ST7L: variants seen among roughly 807,000 people sequenced by gnomAD.
The protein encoded by ST7L is suppressor of tumorigenicity 7 protein-like.
A neutral mutation model predicts 72.5 loss-of-function variants in ST7L; 57 were observed. The observed-to-expected ratio is 0.79, with a 90% CI of 0.64 to 0.98. ST7L has a LOEUF of 0.98. Among genes scored for constraint, ST7L ranks in the 50% least tolerant of loss-of-function variants. The pLI is 0.00. For missense variants in ST7L, 576 were observed against 672.2 expected (o/e 0.86, Z 1.58); for synonymous variants, 221 against 240.9 (o/e 0.92, Z 0.77).
intron 13 of ST7L, among the ~76,000 whole-genome samples, chr1:112,543,891 A>AAC (rs397981264): frequency 1.3e-5 from 2 of 150,170 alleles, no homozygotes; most frequent in African/African-American, 4.9e-5. Context: ...AAAAAAAAAA[A>AAC]CCTAAACTAG....
chr1:112,536,186 C>T (rs1655174692), intron 14 of ST7L, among the ~76,000 whole-genome samples: 1 of 152,096 alleles, frequency 6.6e-6, no homozygotes, highest in East Asian at 1.9e-4. Flanking sequence ...TCAGTTCTTA[C>T]GAACTAAAAA....
chr1:112,541,527 T>A (rs1203084567), intron 14 of ST7L, among the ~76,000 whole-genome samples: 1 of 152,188 alleles, frequency 6.6e-6, no homozygotes, highest in African/African-American at 2.4e-5. Context: ...TTCCCCCGCC[T>A]TATGTACTTA....
rs41283060 is a variant in ST7L at position 112,582,573 on chromosome 1, G to A, written c.857-101C>T. ...AATTTTATTTGCTTCCCTTGGAAGAGTCAATTAAAATTAAATTGTGTCAGA... is the reference window on the plus strand; with the variant it reads ...AATTTTATTTGCTTCCCTTGGAAGAATCAATTAAAATTAAATTGTGTCAGA... On this transcript the variant is annotated intron_variant, in intron 7 of 14. Transcript: ENST00000358039. 4.9e-6 allele frequency: 3 copies of A among 607,042 alleles called. 1 individual carries two copies. 37.6% of individuals were successfully genotyped at this position (607,042 alleles called of 1,614,324 possible).
chr1:112,537,976 T>C (rs1655483850), intron 14 of ST7L, among the ~76,000 whole-genome samples: 1 of 152,244 alleles, frequency 6.6e-6, no homozygotes, highest in Admixed American at 6.5e-5. Flanking sequence ...CAGTGTCCAG[T>C]GCCTGGCCTC....
chr1:112,570,710 A>G (rs544483877), intron 11 of ST7L: 2 of 456,068 alleles, frequency 4.4e-6, no homozygotes. Flanking sequence ...AATAGAGACC[A>G]TAACAGGAGA....
rs1183877129 is a variant in ST7L at position 112,570,570 on chromosome 1, T to TATACACACACACACACAC, written c.1245+6415_1245+6416insGTGTGTGTGTGTGTGTAT. 2.0e-3 allele frequency among the ~76,000 whole-genome samples: 285 copies of TATACACACACACACACAC among 143,376 alleles called. 1 individual carries two copies. Among genetic ancestry groups the TATACACACACACACACAC allele is most frequent in the African/African-American group, 7.0e-3 (269 of 38,598 alleles). 94.1% of individuals were successfully genotyped at this position (143,376 alleles called of 152,430 possible). Reference sequence around the variant, plus strand: ...GTATATATATATATATATATATATATACACACACACATATATTTGAAATGT... The same window carrying TATACACACACACACACAC: ...GTATATATATATATATATATATATATATACACACACACACACACACACACACACATATATTTGAAATGT... On this transcript the variant is annotated intron_variant, in intron 11 of 14. Transcript: ENST00000358039.
At chr1:112,580,342 G>C (rs1324958831) in intron 9 of ST7L, among the ~76,000 whole-genome samples, 1 of 152,056 alleles carries the variant, frequency 6.6e-6, no homozygotes, top group African/African-American at 2.4e-5. Flanking sequence ...TTTTAGAAAT[G>C]GGTTTTCACC....
chr1:112,540,166 T>C, intron 14 of ST7L: 1 of 985,426 alleles, frequency 1.0e-6, no homozygotes, highest in Non-Finnish European at 1.2e-6. Context: ...TAACAGTTGG[T>C]ATAGATCTAT....
chr1:112,567,707 CAT>C (rs978549531), intron 11 of ST7L, among the ~76,000 whole-genome samples: 3 of 152,114 alleles, frequency 2.0e-5, no homozygotes, highest in African/African-American at 7.2e-5. Flanking sequence ...GTTGAAGTTC[CAT>C]TTCCCCATTG....
At chr1:112,520,492 T>C (rs759825299), downstream of ST7L, 65 of 1,613,864 alleles carry the variant, frequency 4.0e-5, no homozygotes, top group Non-Finnish European at 5.3e-5. Flanking sequence ...GAAGGCAGAG[T>C]GGCTGGACCA....
chr1:112,579,060 A>G (rs1663628820), intron 9 of ST7L, among the ~76,000 whole-genome samples: 1 of 152,090 alleles, frequency 6.6e-6, no homozygotes, highest in Non-Finnish European at 1.5e-5. Flanking sequence ...CGTCTGCACA[A>G]CGGTGAAATG....
intron 11 of ST7L, among the ~76,000 whole-genome samples, chr1:112,570,455 T>C (rs1415353619): frequency 1.3e-5 from 2 of 151,650 alleles, no homozygotes; most frequent in Non-Finnish European, 2.9e-5. Flanking sequence ...TTGCCAAAAA[T>C]ATTTCCCGCT....
At chr1:112,591,764 T>C (rs1665762709) in intron 5 of ST7L, among the ~76,000 whole-genome samples, 161 bp from the exon 6 acceptor site, 1 of 152,150 alleles carries the variant, frequency 6.6e-6, no homozygotes, top group African/African-American at 2.4e-5. Flanking sequence ...TTATGAGAAA[T>C]TTACATTAAA....
chr1:112,561,378 CAAAA>C (rs33953697), intron 11 of ST7L, among the ~76,000 whole-genome samples: 1 of 90,564 alleles, frequency 1.1e-5, no homozygotes. Context: ...CTCCCTGCCT[CAAAA>C]AAAAAAAAAA....
chr1:112,551,773 G>A (rs566777380), intron 12 of ST7L, among the ~76,000 whole-genome samples: 258 of 152,168 alleles, frequency 1.7e-3, no homozygotes, highest in Non-Finnish European at 2.9e-3. Context: ...AATCTTTAAC[G>A]TTGTCAATAG....
chr1:112,525,719 G>A lies in ST7L; in HGVS notation c.*294C>T, dbSNP rs1250896519. The A allele has an allele frequency of 2.3e-5, 6 of 257,830 alleles. No homozygotes were observed. The highest frequency in any genetic ancestry group is 2.2e-4 in the East Asian group (3 of 13,348). The allele number at this position is 257,830 out of a possible 1,614,324, so 16.0% of individuals were successfully genotyped here. ...CTTTGACCAAAGGAGCCAAAATGCG[G>A]TGACTTGACTTCAACCCCAACAGCC... On this transcript the variant is annotated 3_prime_UTR_variant, in exon 15 of 15. Coordinates refer to ENST00000358039, the MANE Select transcript of ST7L (RefSeq NM_017744.5).
chr1:112,526,100 G>C lies in ST7L; in HGVS notation c.1641C>G (p.Leu547=), dbSNP rs114685215. Residue 547 remains leucine (L), a synonymous_variant, in exon 15 of 15, where the codon CTC becomes CTG. Coordinates refer to ENST00000358039, the MANE Select transcript of ST7L (RefSeq NM_017744.5). ...AGGATGCCCAGGGTTGGGGGCACCA[G>C]AGTCCCAGCACCTTCAAAACAGAAA... ...MGIFAKAVLG[L]WCPQPWASSG... The C allele has an allele frequency of 6.7e-3, 10,878 of 1,614,136 alleles. 54 individuals carry two copies. The highest frequency in any genetic ancestry group is 8.2e-3 in the Non-Finnish European group (9,638 of 1,180,008).
chr1:112,549,934 A>AT (rs972924918), intron 13 of ST7L, among the ~76,000 whole-genome samples: 11 of 152,120 alleles, frequency 7.2e-5, no homozygotes, highest in South Asian at 4.2e-4. Flanking sequence ...TTTTTCAGGG[A>AT]TTTTTTTTAA....
At position 112,600,874 on chromosome 1, in the gene ST7L, GA is replaced by G. The variant is rs764330021; in HGVS notation, c.452-27del. On this transcript the variant is annotated intron_variant, in intron 3 of 14. Coordinates refer to ENST00000358039, the MANE Select transcript of ST7L (RefSeq NM_017744.5). Reference sequence around the variant, plus strand: ...CTGAAAAACAAGGGAGAAAAAGGGGGAAAAAGAGACACTTTAAAATCTTCAT... The same window carrying G: ...CTGAAAAACAAGGGAGAAAAAGGGGGAAAAGAGACACTTTAAAATCTTCAT... 5.0e-6 allele frequency: 8 copies of G among 1,591,520 alleles called. No homozygotes were observed. The South Asian group carries it at 7.9e-5, about 16-fold the overall frequency.
Sources: allele counts gnomAD v4.1 joint callset (sites outside exome capture counted in the v4.1 genomes callset), GRCh38; gene constraint gnomAD v4.1.1; transcripts MANE v1.5; gene names NCBI Gene and HGNC (gene_info 2026-07-23, HGNC 2026-07-21).